Variants in DNM3 observed in about 807,000 individuals in gnomAD.
DNM3 encodes dynamin 3, also known as dynamin-3.
Under a neutral mutation model 101.6 loss-of-function variants are expected in DNM3, and 47 were observed. The ratio of observed to expected loss-of-function variants is 0.46; its 90% confidence interval spans 0.37 to 0.59. The LOEUF (loss-of-function observed/expected upper bound fraction) is 0.59, where lower values mean the gene tolerates loss of function less well. Among genes scored for constraint, DNM3 ranks in the 20% least tolerant of loss-of-function variants. The pLI, the probability that DNM3 is intolerant of heterozygous loss-of-function variation, is 0.00. For missense variants in DNM3, 849 were observed against 1,085.7 expected, an observed-to-expected ratio of 0.78 and a Z score of 3.06; for synonymous variants, 385 against 387.9, an observed-to-expected ratio of 0.99 and a Z score of 0.09.
chr1:172,353,217 A>T (rs1182279158), intron 17 of DNM3, among the ~76,000 whole-genome samples: 3 of 152,032 alleles, frequency 2.0e-5, no homozygotes. Flanking sequence ...CTTCCTACCC[A>T]TCAAAACCCA....
At chr1:172,046,520 C>G (rs1377474812) in intron 9 of DNM3, among the ~76,000 whole-genome samples, 1 of 150,800 alleles carries the variant, frequency 6.6e-6, no homozygotes, top group Non-Finnish European at 1.5e-5. Context: ...CTAACCTGCA[C>G]ATTGTGCACA....
chr1:171,982,113 G>C lies in DNM3; in HGVS notation c.236-5543G>C, dbSNP rs181565393. Among the ~76,000 whole-genome samples, 417 of 152,314 alleles carry C rather than the reference G, an allele frequency of 2.7e-3. 1 individual carries two copies. The highest frequency in any genetic ancestry group is 7.6e-3 in the Admixed American group (116 of 15,302). On this transcript the variant is annotated intron_variant, in intron 2 of 20. Coordinates refer to ENST00000627582, the MANE Select transcript of DNM3 (RefSeq NM_015569.5). ...GGAAATTGTACCTTTCTGTAAGAAA[G>C]AATGTATCTCAAAACTATAAGATGA...
intron 4 of DNM3, among the ~76,000 whole-genome samples, chr1:172,011,486 G>A (rs1044797596): frequency 1.3e-5 from 2 of 151,960 alleles, no homozygotes; most frequent in African/African-American, 4.8e-5. Context: ...TTTAATTGAT[G>A]GTTATCTCCT....
chr1:172,010,682 T>TTGTGTGTG (rs59701730), intron 4 of DNM3, among the ~76,000 whole-genome samples: 12 of 112,726 alleles, frequency 1.1e-4, no homozygotes, highest in African/African-American at 2.3e-4. Flanking sequence ...TTGGTATGTT[T>TTGTGTGTG]TGTGTGTGTG....
chr1:172,009,073 A>G (rs1021682788), intron 4 of DNM3, among the ~76,000 whole-genome samples: 8 of 138,600 alleles, frequency 5.8e-5, no homozygotes, highest in Non-Finnish European at 1.1e-4. Context: ...ATATGTATTT[A>G]TATATTATAT....
rs568267544 is a variant in DNM3, at chr1:172,102,532, C to G, written c.1545+9657C>G. ...CCATATTTTTACAGCCAAGTTGCAT[C>G]TTAATGGAGGGTTTAGAGCATAAAA... is the stretch of plus-strand genomic sequence containing the variant. On this transcript the variant is annotated intron_variant, in intron 13 of 20. Coordinates refer to ENST00000627582, the MANE Select transcript of DNM3 (RefSeq NM_015569.5). Among the ~76,000 whole-genome samples, 198 of 152,182 alleles carry G rather than the reference C, an allele frequency of 1.3e-3. 1 individual carries two copies. Among genetic ancestry groups the G allele is most frequent in the African/African-American group, 4.6e-3 (191 of 41,516 alleles).
intron 15 of DNM3, among the ~76,000 whole-genome samples, chr1:172,287,456 A>G (rs1008578989): frequency 6.6e-6 from 1 of 152,222 alleles, no homozygotes; most frequent in Non-Finnish European, 1.5e-5. Context: ...GGTCAGGACT[A>G]GTGGTGACTC....
intron 2 of DNM3, among the ~76,000 whole-genome samples, chr1:171,969,911 G>T (rs2043866156): frequency 6.6e-6 from 1 of 152,126 alleles, no homozygotes; most frequent in Non-Finnish European, 1.5e-5. Context: ...GGGTTGTTTG[G>T]AGTATTAACA....
At chr1:172,108,731 G>A (rs1420372957) in intron 13 of DNM3, among the ~76,000 whole-genome samples, 1 of 152,170 alleles carries the variant, frequency 6.6e-6, no homozygotes. Context: ...TGAGTGCCCT[G>A]GTTTTATAAT....
chr1:172,145,318 CTG>C (rs1236147122), intron 14 of DNM3, among the ~76,000 whole-genome samples: 387 of 151,032 alleles, frequency 2.6e-3, no homozygotes, highest in African/African-American at 8.9e-3. Context: ...GTCTGTCTGT[CTG>C]TCTGTCTCTC....
chr1:172,276,557 ATGTG>A (rs60837783), intron 15 of DNM3, among the ~76,000 whole-genome samples: 8 of 144,360 alleles, frequency 5.5e-5, no homozygotes, highest in South Asian at 4.6e-4. Flanking sequence ...AAAAATCTTA[ATGTG>A]TGTGTGTGTG....
intron 16 of DNM3, 116 bp from the exon 17 acceptor site, chr1:172,323,213 A>ATCT (rs1181986851): frequency 3.2e-6 from 3 of 937,332 alleles, no homozygotes; most frequent in Non-Finnish European, 4.5e-6. Flanking sequence ...AGCAAGAAAA[A>ATCT]CCTCATTTTA....
chr1:172,148,889 T>G (rs2058025572), intron 14 of DNM3, among the ~76,000 whole-genome samples: 1 of 152,176 alleles, frequency 6.6e-6, no homozygotes, highest in African/African-American at 2.4e-5. Flanking sequence ...TTCTTCCCTT[T>G]CCTGAATCAC....
chr1:172,049,470 C>T (rs1023628680), intron 10 of DNM3, among the ~76,000 whole-genome samples: 6 of 152,080 alleles, frequency 3.9e-5, no homozygotes, highest in African/African-American at 1.4e-4. Context: ...TATTCTCTAC[C>T]CTGAATATCT....
chr1:172,163,893 A>G (rs58414065), intron 14 of DNM3, among the ~76,000 whole-genome samples: 30,450 of 126,074 alleles, frequency 0.24, 4,510 homozygotes, highest in African/African-American at 0.54. Context: ...GTATATATGT[A>G]TATATGCACA....
chr1:171,976,828 T>G (rs948478399), intron 2 of DNM3, among the ~76,000 whole-genome samples: 10 of 152,224 alleles, frequency 6.6e-5, no homozygotes, highest in African/African-American at 2.4e-4. Flanking sequence ...AGTTACGTAT[T>G]TATATACTTA....
intron 14 of DNM3, among the ~76,000 whole-genome samples, chr1:172,235,077 G>C (rs1282239639): frequency 6.6e-6 from 1 of 151,988 alleles, no homozygotes; most frequent in Non-Finnish European, 1.5e-5. Flanking sequence ...TACAGAATGG[G>C]AGAAAATTTT....
At chr1:172,289,785 T>G (rs1342216736) in intron 15 of DNM3, 6 of 985,240 alleles carry the variant, frequency 6.1e-6, no homozygotes, top group Non-Finnish European at 7.2e-6. Flanking sequence ...ATTATACTTT[T>G]GAGTTACTAT....
intron 8 of DNM3, among the ~76,000 whole-genome samples, chr1:172,042,512 C>T (rs754155990): frequency 1.3e-5 from 2 of 152,062 alleles, no homozygotes; most frequent in Non-Finnish European, 2.9e-5. Context: ...AGACAAAATA[C>T]GAAAGTTTCA....
Sources: gnomAD v4.1 joint callset for allele counts (sites outside exome capture counted in the v4.1 genomes callset) on GRCh38, gnomAD v4.1.1 for gene constraint, MANE v1.5 for transcripts, NCBI Gene and HGNC (gene_info 2026-07-23, HGNC 2026-07-21) for gene names.